The following AGMO variants were observed in gnomAD, a reference collection of about 807,000 sequenced individuals.
AGMO encodes alkylglycerol monooxygenase, also known as glyceryl-ether monooxygenase.
Under a neutral mutation model 60.2 loss-of-function variants are expected in AGMO, and 75 were observed. The ratio of observed to expected loss-of-function variants is 1.25; its 90% confidence interval spans 1.03 to 1.51. The LOEUF is 1.51. AGMO is among the 40% of genes most tolerant of loss of function. The pLI is 0.00. For synonymous variants in AGMO, 261 were observed against 177.1 expected (o/e 1.47, Z -3.76); for missense variants, 763 against 525.5 (o/e 1.45, Z -4.42).
At chr7:15,189,314 C>T in the AGMO span, among the ~76,000 whole-genome samples, 1 of 151,982 alleles carries the variant, frequency 6.6e-6, no homozygotes, top group East Asian at 1.9e-4. Context: ...AGAGAAGATT[C>T]TAACTGATTT....
At chr7:15,192,406 G>A in the AGMO span, among the ~76,000 whole-genome samples, 1 of 151,974 alleles carries the variant, frequency 6.6e-6, no homozygotes, top group Non-Finnish European at 1.5e-5. Context: ...GGGGATGGTT[G>A]GAGAGATCAG....
chr7:15,284,661 C>T (rs931803445), intron 12 of AGMO, among the ~76,000 whole-genome samples: 2 of 151,916 alleles, frequency 1.3e-5, no homozygotes, highest in East Asian at 1.9e-4. Context: ...AAATTGGGAC[C>T]AACCCTGCTG....
intron 3 of AGMO, among the ~76,000 whole-genome samples, chr7:15,520,665 A>G (rs1271072953): frequency 2.6e-5 from 4 of 152,230 alleles, no homozygotes; most frequent in Non-Finnish European, 5.9e-5. Context: ...ACAAAGACAC[A>G]ACATACCAGA....
chr7:15,426,054 G>T (rs1029721462), intron 4 of AGMO, among the ~76,000 whole-genome samples: 1 of 151,988 alleles, frequency 6.6e-6, no homozygotes, highest in Non-Finnish European at 1.5e-5. Flanking sequence ...ATATTTTATT[G>T]CAAAAGGTAA....
intron 12 of AGMO, among the ~76,000 whole-genome samples, chr7:15,214,646 T>C (rs976798804): frequency 6.6e-6 from 1 of 152,030 alleles, no homozygotes; most frequent in African/African-American, 2.4e-5. Flanking sequence ...TGAGGAGCTC[T>C]AACATGTTTC....
chr7:15,358,034 G>C (rs947269326), intron 12 of AGMO, among the ~76,000 whole-genome samples: 3 of 152,174 alleles, frequency 2.0e-5, no homozygotes, highest in Non-Finnish European at 4.4e-5. Context: ...AAGAACTGTT[G>C]AATCTTCCTT....
intron 3 of AGMO, among the ~76,000 whole-genome samples, chr7:15,525,461 T>C (rs531479555): frequency 2.0e-5 from 3 of 152,152 alleles, no homozygotes; most frequent in Non-Finnish European, 4.4e-5. Context: ...TTTCAGCCTC[T>C]TTTGCATACT....
chr7:15,163,020 C>T, the AGMO span, among the ~76,000 whole-genome samples: 1 of 152,010 alleles, frequency 6.6e-6, no homozygotes, highest in Admixed American at 6.6e-5. Flanking sequence ...TATAGTTCTC[C>T]TTGTAGAGCT....
intron 9 of AGMO, among the ~76,000 whole-genome samples, chr7:15,386,682 T>C (rs958224454): frequency 3.9e-5 from 6 of 152,216 alleles, no homozygotes; most frequent in Admixed American, 6.5e-5. Flanking sequence ...CTAACTTTTG[T>C]ACACATAGTA....
At chr7:15,276,131 T>C (rs1006520366) in intron 12 of AGMO, among the ~76,000 whole-genome samples, 5 of 152,212 alleles carry the variant, frequency 3.3e-5, no homozygotes, top group African/African-American at 1.2e-4. Flanking sequence ...TCTGTGAGCT[T>C]TGAACTTATG....
rs192900790 is a variant in AGMO, at chr7:15,354,012, A to C, written c.1263+11502T>G. Among the ~76,000 whole-genome samples the C allele has an allele frequency of 9.2e-5, 14 of 152,240 alleles. No homozygotes were observed. The East Asian group carries it at 2.5e-3, about 27-fold the overall frequency. On this transcript the variant is annotated intron_variant, in intron 12 of 12. Transcript: ENST00000342526. ...GATAGTTTGCAATTTACTGTGTCAA[A>C]ACTAGTCTTTTATAAAGCAGAGAAG...
At chr7:15,359,218 G>GCATTGCAGTGGTGGAGGTGGAGCTTGCA (rs1162972258) in intron 12 of AGMO, among the ~76,000 whole-genome samples, 1 of 151,158 alleles carries the variant, frequency 6.6e-6, no homozygotes, top group African/African-American at 2.4e-5. Flanking sequence ...GAACCCAGGA[G>GCATTGCAGTGGTGGAGGTGGAGCTTGCA]GTGGAGCTTG....
At chr7:15,153,899 A>G in the AGMO span, among the ~76,000 whole-genome samples, 2 of 152,132 alleles carry the variant, frequency 1.3e-5, no homozygotes, top group South Asian at 4.1e-4. Context: ...TGACGGTGGT[A>G]TTTGATGGAC....
At chr7:15,217,180 T>C (rs758565627) in intron 12 of AGMO, among the ~76,000 whole-genome samples, 1 of 152,050 alleles carries the variant, frequency 6.6e-6, no homozygotes, top group Non-Finnish European at 1.5e-5. Context: ...AATGATAATT[T>C]TCTTTCTACA....
chr7:15,386,423 T>C (rs2128483447), intron 9 of AGMO, among the ~76,000 whole-genome samples: 1 of 152,290 alleles, frequency 6.6e-6, no homozygotes, highest in African/African-American at 2.4e-5. Flanking sequence ...CTTTGAGTTA[T>C]CTATTGACAA....
At chr7:15,510,726 T>C (rs978076186) in intron 3 of AGMO, among the ~76,000 whole-genome samples, 4 of 150,282 alleles carry the variant, frequency 2.7e-5, no homozygotes, top group Non-Finnish European at 5.9e-5. Context: ...GGAATCTAAA[T>C]ACATCAAAAA....
chr7:15,337,339 C>A (rs1450974448), intron 12 of AGMO, among the ~76,000 whole-genome samples: 1 of 152,048 alleles, frequency 6.6e-6, no homozygotes, highest in East Asian at 1.9e-4. Flanking sequence ...TTATATAATT[C>A]ATATTCTCAA....
chr7:15,520,528 C>T (rs1230956132), intron 3 of AGMO, among the ~76,000 whole-genome samples: 5 of 152,168 alleles, frequency 3.3e-5, no homozygotes, highest in Admixed American at 3.3e-4. Context: ...CAAATTAGAA[C>T]TCAGGATTAA....
At chr7:15,545,063 C>A in intron 2 of AGMO, 140 bp from the exon 3 acceptor site, 1 of 568,998 alleles carries the variant, frequency 1.8e-6, no homozygotes, top group Non-Finnish European at 2.6e-6. Flanking sequence ...TCTTCTATGT[C>A]ATTCCTTTTA....
Sources: gnomAD v4.1 joint callset for allele counts (sites outside exome capture counted in the v4.1 genomes callset) on GRCh38, gnomAD v4.1.1 for gene constraint, MANE v1.5 for transcripts, NCBI Gene and HGNC (gene_info 2026-07-23, HGNC 2026-07-21) for gene names.